MIR2052HG: variants seen among roughly 807,000 people sequenced by gnomAD.
MIR2052HG encodes MIR2052 host gene.
At chr8:74,718,452 G>A (rs750385533) in intron 4 of MIR2052HG, among the ~76,000 whole-genome samples, 6 of 152,086 alleles carry the variant, frequency 3.9e-5, no homozygotes, top group Non-Finnish European at 7.3e-5. Context: ...GTTTGAGATG[G>A]CTCACCACTT....
intron 4 of MIR2052HG, among the ~76,000 whole-genome samples, chr8:74,734,097 C>T (rs111391269): frequency 0.11 from 16,099 of 152,166 alleles, 1,935 homozygotes; most frequent in African/African-American, 0.3. Flanking sequence ...TGACAAAGGG[C>T]TAATATCCAG....
intron 4 of MIR2052HG, among the ~76,000 whole-genome samples, chr8:74,708,265 T>G (rs1478472980): frequency 6.6e-6 from 1 of 152,160 alleles, no homozygotes; most frequent in African/African-American, 2.4e-5. Context: ...AATTTTCCCT[T>G]CATCTTACAA....
chr8:74,647,071 A>T (rs907238319), intron 2 of MIR2052HG, among the ~76,000 whole-genome samples: 1 of 152,190 alleles, frequency 6.6e-6, no homozygotes, highest in Non-Finnish European at 1.5e-5. Flanking sequence ...GGAGGCACAA[A>T]AGTTCACCTA....
chr8:74,738,604 C>G (rs915134648), intron 4 of MIR2052HG, among the ~76,000 whole-genome samples: 1 of 152,166 alleles, frequency 6.6e-6, no homozygotes, highest in Non-Finnish European at 1.5e-5. Flanking sequence ...TATTTATCTA[C>G]TATGTTCTCA....
At chr8:74,758,331 T>C (rs1163385227) in intron 6 of MIR2052HG, 2 of 152,062 alleles carry the variant, frequency 1.3e-5, no homozygotes, top group Non-Finnish European at 2.9e-5. Flanking sequence ...AAAATAAAAA[T>C]TGTCCAGAAA....
intron 2 of MIR2052HG, among the ~76,000 whole-genome samples, chr8:74,619,260 A>G (rs1447310243): frequency 2.3e-5 from 1 of 43,592 alleles, no homozygotes; most frequent in Non-Finnish European, 8.1e-5. Context: ...TTAAAGAAAT[A>G]AAAAAAAATT....
rs188218571 is a variant in MIR2052HG at position 74,694,783 on chromosome 8, A to T, written n.217-7596A>T. On this transcript the variant is annotated intron_variant and non_coding_transcript_variant, in intron 2 of 6. Transcript: ENST00000523442. Reference sequence around the variant, plus strand: ...AAGTCTTTTGAATTAACCCAATCTGACAAAGGCAAAGAAAAAAATGAACAA... The same window carrying T: ...AAGTCTTTTGAATTAACCCAATCTGTCAAAGGCAAAGAAAAAAATGAACAA... 2.8e-3 allele frequency among the ~76,000 whole-genome samples: 419 copies of T among 152,268 alleles called. 2 individuals carry two copies. Among genetic ancestry groups the T allele is most frequent in the African/African-American group, 9.4e-3 (389 of 41,566 alleles).
chr8:74,641,776 T>C (rs1391011313), intron 2 of MIR2052HG, among the ~76,000 whole-genome samples: 1 of 152,102 alleles, frequency 6.6e-6, no homozygotes, highest in African/African-American at 2.4e-5. Flanking sequence ...AATAGAAAAA[T>C]AAGATACTTG....
At chr8:74,604,257 T>G in intron 1 of MIR2052HG, 1 of 866,720 alleles carries the variant, frequency 1.2e-6, no homozygotes, top group Non-Finnish European at 2.0e-6. Flanking sequence ...CGAGCAGTGT[T>G]CTGGGGAGCT....
chr8:74,618,545 A>C (rs563443208), intron 2 of MIR2052HG, among the ~76,000 whole-genome samples: 1 of 152,338 alleles, frequency 6.6e-6, no homozygotes, highest in South Asian at 2.1e-4. Flanking sequence ...GACAAAAACC[A>C]TATGATCATC....
intron 2 of MIR2052HG, among the ~76,000 whole-genome samples, chr8:74,648,389 T>C (rs548931372): frequency 6.6e-6 from 1 of 152,300 alleles, no homozygotes; most frequent in African/African-American, 2.4e-5. Context: ...TCGAACTCTG[T>C]TTCCTGTTAA....
chr8:74,602,451 C>T (rs1808014465), intron 1 of MIR2052HG, among the ~76,000 whole-genome samples: 1 of 152,018 alleles, frequency 6.6e-6, no homozygotes, highest in African/African-American at 2.4e-5. Flanking sequence ...AAGAAATAAC[C>T]ATAAAAATAG....
At chr8:74,614,842 C>G (rs1465834168) in intron 2 of MIR2052HG, among the ~76,000 whole-genome samples, 1 of 151,534 alleles carries the variant, frequency 6.6e-6, no homozygotes, top group African/African-American at 2.4e-5. Context: ...ACAGAAAAGA[C>G]AATTTCATCT....
chr8:74,752,751 T>TA (rs1809961002), intron 5 of MIR2052HG, among the ~76,000 whole-genome samples: 1 of 152,166 alleles, frequency 6.6e-6, no homozygotes, highest in African/African-American at 2.4e-5. Context: ...AAAAACAGTG[T>TA]AAAAAATGAG....
chr8:74,674,846 A>G (rs1198803441), intron 2 of MIR2052HG, among the ~76,000 whole-genome samples: 1 of 151,924 alleles, frequency 6.6e-6, no homozygotes, highest in Non-Finnish European at 1.5e-5. Context: ...TATATGTTAT[A>G]TATACTATAC....
At chr8:74,662,382 T>G (rs1220749724) in intron 2 of MIR2052HG, among the ~76,000 whole-genome samples, 1 of 145,872 alleles carries the variant, frequency 6.9e-6, no homozygotes, top group Non-Finnish European at 1.5e-5. Context: ...AGTAGGATTC[T>G]AATGAGAACA....
At chr8:74,604,583 CTTTTT>C (rs35641908) in intron 1 of MIR2052HG, among the ~76,000 whole-genome samples, 11 of 50,006 alleles carry the variant, frequency 2.2e-4, no homozygotes, top group Admixed American at 1.6e-3. Flanking sequence ...TGTTTCTTTA[CTTTTT>C]TTTTTTTTTT....
chr8:74,670,807 G>C (rs370924663), intron 2 of MIR2052HG, among the ~76,000 whole-genome samples: 2 of 152,202 alleles, frequency 1.3e-5, no homozygotes, highest in African/African-American at 4.8e-5. Context: ...AAATCCTTTC[G>C]TGGCTTTAGT....
At position 74,749,871 on chromosome 8, in the gene MIR2052HG, T is replaced by C. The variant is rs7835637; in HGVS notation, n.372-2570T>C. Among the ~76,000 whole-genome samples the C allele has an allele frequency of 7.6e-3, 1,118 of 146,542 alleles. 16 individuals are homozygous for C. The highest frequency in any genetic ancestry group is 0.027 in the African/African-American group (1,044 of 38,672). On this transcript the variant is annotated intron_variant and non_coding_transcript_variant, in intron 4 of 6. Transcript: ENST00000523442. ...CTCAAAAAAAAAAAAAAAAAAGTATTGTAGGCTACATTTGGAGTAGCACTT... is the reference window on the plus strand; with the variant it reads ...CTCAAAAAAAAAAAAAAAAAAGTATCGTAGGCTACATTTGGAGTAGCACTT...
Sources: gnomAD v4.1 joint callset for allele counts (sites outside exome capture counted in the v4.1 genomes callset) on GRCh38, gnomAD v4.1.1 for gene constraint, MANE v1.5 for transcripts, NCBI Gene and HGNC (gene_info 2026-07-23, HGNC 2026-07-21) for gene names.